TNRC6B: variants seen among roughly 807,000 people sequenced by gnomAD.
TNRC6B encodes trinucleotide repeat-containing gene 6B protein.
Under a neutral mutation model 203.6 loss-of-function variants are expected in TNRC6B, and 52 were observed. That is an observed-to-expected ratio of 0.26 (90% confidence interval 0.20 to 0.32). TNRC6B has a LOEUF of 0.32. Ranked by LOEUF, TNRC6B falls within the 10% of genes least tolerant of loss-of-function variation. The probability of loss-of-function intolerance (pLI) is 1.00; values close to 1 mark genes in which losing one functional copy is unlikely to be tolerated. For missense variants in TNRC6B, 1,923 were observed against 2,286.2 expected (o/e 0.84, Z 3.24); for synonymous variants, 838 against 845.7 (o/e 0.99, Z 0.16).
intron 1 of TNRC6B, among the ~76,000 whole-genome samples, chr22:40,046,645 A>AT (rs754235884): frequency 0.017 from 2,262 of 130,792 alleles, 55 homozygotes; most frequent in African/African-American, 0.045. Context: ...CAGAGTCTCA[A>AT]TTTTTTTTTT....
chr22:40,322,005 G>T (rs755008174), intron 22 of TNRC6B, among the ~76,000 whole-genome samples: 1 of 152,134 alleles, frequency 6.6e-6, no homozygotes, highest in African/African-American at 2.4e-5. Context: ...CTTGGCTGCA[G>T]ATGCCATGAC....
intron 4 of TNRC6B, among the ~76,000 whole-genome samples, chr22:40,160,645 A>C (rs1015283089): frequency 1.3e-5 from 2 of 152,150 alleles, no homozygotes; most frequent in Non-Finnish European, 2.9e-5. Flanking sequence ...AGTCACTGCA[A>C]CCTCAAACTC....
chr22:40,310,607 A>G (rs2071163419), intron 16 of TNRC6B, among the ~76,000 whole-genome samples: 1 of 152,158 alleles, frequency 6.6e-6, no homozygotes, highest in African/African-American at 2.4e-5. Flanking sequence ...TAAGTGAGGA[A>G]CTGAGAGGCT....
At chr22:40,175,587 T>A (rs2069048388), upstream of TNRC6B, among the ~76,000 whole-genome samples, 1 of 152,218 alleles carries the variant, frequency 6.6e-6, no homozygotes, top group Non-Finnish European at 1.5e-5. Flanking sequence ...ACAAGGTGGA[T>A]GTTCAGTCTC....
At chr22:40,268,408 C>T (rs917571210) in intron 5 of TNRC6B, among the ~76,000 whole-genome samples, 2 of 152,104 alleles carry the variant, frequency 1.3e-5, no homozygotes, top group African/African-American at 4.8e-5. Flanking sequence ...TCTCCGAGTA[C>T]ACCTCTAGTG....
intron 4 of TNRC6B, among the ~76,000 whole-genome samples, chr22:40,164,895 C>T (rs1369654264): frequency 6.6e-6 from 1 of 150,804 alleles, no homozygotes; most frequent in Non-Finnish European, 1.5e-5. Context: ...TGTTCTCCTG[C>T]CTCAGCTTCC....
At chr22:40,250,444 C>T (rs555576211) in intron 2 of TNRC6B, among the ~76,000 whole-genome samples, 1 of 152,052 alleles carries the variant, frequency 6.6e-6, no homozygotes, top group East Asian at 1.9e-4. Context: ...GTATTAGTTA[C>T]TATATAAAGA....
intron 1 of TNRC6B, among the ~76,000 whole-genome samples, chr22:40,093,867 A>C (rs1187742377): frequency 6.6e-6 from 1 of 152,176 alleles, no homozygotes; most frequent in Admixed American, 6.5e-5. Flanking sequence ...GTTAGATAAA[A>C]TGAATATGAT....
chr22:40,180,715 CT>C (rs1432864251), intron 1 of TNRC6B, among the ~76,000 whole-genome samples: 1 of 152,178 alleles, frequency 6.6e-6, no homozygotes, highest in East Asian at 1.9e-4. Flanking sequence ...AGTTTTCTTT[CT>C]GTGAGTACTG....
chr22:40,127,806 C>T (rs534596389), intron 3 of TNRC6B, among the ~76,000 whole-genome samples: 102 of 152,146 alleles, frequency 6.7e-4, no homozygotes, highest in Non-Finnish European at 1.0e-3. Flanking sequence ...GGGCTGTTGA[C>T]GCTGCAGTGA....
chr22:40,201,552 C>G (rs2069412379), intron 1 of TNRC6B, among the ~76,000 whole-genome samples: 1 of 151,812 alleles, frequency 6.6e-6, no homozygotes, highest in Admixed American at 6.6e-5. Flanking sequence ...CTTCCCACTT[C>G]AGCCTCCTGA....
chr22:40,093,449 G>A (rs1335931918), intron 1 of TNRC6B, among the ~76,000 whole-genome samples: 2 of 152,184 alleles, frequency 1.3e-5, no homozygotes, highest in Non-Finnish European at 2.9e-5. Flanking sequence ...TCTGAATCAG[G>A]AAGCTCAAGC....
At chr22:40,299,891 C>T (rs1487136565) in intron 12 of TNRC6B, among the ~76,000 whole-genome samples, 1 of 152,234 alleles carries the variant, frequency 6.6e-6, no homozygotes, top group Non-Finnish European at 1.5e-5. Flanking sequence ...GCCTAGCTCA[C>T]TCCTGAGAAC....
chr22:40,145,823 AGAGC>A (rs772512650), intron 3 of TNRC6B, among the ~76,000 whole-genome samples: 1 of 146,240 alleles, frequency 6.8e-6, no homozygotes, highest in Non-Finnish European at 1.5e-5. Flanking sequence ...GCCTGGTGAC[AGAGC>A]GAGACTTTGT....
chr22:40,254,141 G>A (rs1433326225), intron 3 of TNRC6B, among the ~76,000 whole-genome samples: 4 of 152,166 alleles, frequency 2.6e-5, no homozygotes, highest in Admixed American at 6.5e-5. Flanking sequence ...ATAGGCTAGA[G>A]CTGGCTTGCT....
intron 1 of TNRC6B, among the ~76,000 whole-genome samples, chr22:40,087,760 G>C (rs1032015845): frequency 3.3e-5 from 5 of 152,162 alleles, no homozygotes; most frequent in African/African-American, 1.2e-4. Context: ...TGGGGGACCT[G>C]GGAATGCTAG....
At chr22:40,244,465 C>CT (rs77260733) in intron 1 of TNRC6B, among the ~76,000 whole-genome samples, 241 of 144,040 alleles carry the variant, frequency 1.7e-3, no homozygotes, top group African/African-American at 2.1e-3. Flanking sequence ...TTTTTTAAGT[C>CT]TTTTTTTTTT....
At chr22:40,190,633 C>G (rs2069258844) in intron 1 of TNRC6B, among the ~76,000 whole-genome samples, 2 of 152,228 alleles carry the variant, frequency 1.3e-5, no homozygotes, top group South Asian at 4.1e-4. Context: ...ATGCACTTTA[C>G]TCCTGTAATC....
intron 6 of TNRC6B, among the ~76,000 whole-genome samples, chr22:40,272,338 A>G (rs1249064487): frequency 6.6e-6 from 1 of 152,106 alleles, no homozygotes; most frequent in Admixed American, 6.5e-5. Context: ...GAAGAAATTA[A>G]TTGCCCTGTG....
Sources: allele counts gnomAD v4.1 joint callset (sites outside exome capture counted in the v4.1 genomes callset), GRCh38; gene constraint gnomAD v4.1.1; transcripts MANE v1.5; gene names NCBI Gene and HGNC (gene_info 2026-07-23, HGNC 2026-07-21).